Variants in CDADC1 observed in about 807,000 individuals in gnomAD.
The protein encoded by CDADC1 is dCTP deaminase.
In CDADC1, 39 loss-of-function variants were observed where a neutral mutation model predicts 54.9. The ratio of observed to expected loss-of-function variants is 0.71; its 90% CI spans 0.55 to 0.93. CDADC1 has a LOEUF of 0.93. CDADC1 is among the 40% of genes least tolerant of loss of function. CDADC1 has a pLI of 0.00. For synonymous variants in CDADC1, 186 were observed against 204.0 expected, an observed-to-expected ratio of 0.91 and a Z score of 0.75; for missense variants, 518 against 618.8, an observed-to-expected ratio of 0.84 and a Z score of 1.73.
chr13:49,278,291 C>G lies in CDADC1; in HGVS notation c.1051-59C>G. The G allele has an allele frequency of 2.4e-6, 3 of 1,268,276 alleles. No individual in the cohort carries two copies. In the Admixed American group the frequency reaches 7.2e-5, roughly 30 times the overall value. 78.6% of individuals were successfully genotyped at this position (1,268,276 alleles called of 1,614,324 possible). On this transcript the variant is annotated intron_variant, in intron 6 of 9. Transcript: ENST00000251108. ...AGTATGATAGCAAGCTTCAAAAATA[C>G]ATTGCAAAGTGTCTTTTCAGAATGT...
chr13:49,273,978 T>A (rs1481547219), intron 5 of CDADC1, among the ~76,000 whole-genome samples: 1 of 152,168 alleles, frequency 6.6e-6, no homozygotes, highest in Non-Finnish European at 1.5e-5. Flanking sequence ...TAATGGAGAA[T>A]CAATGAAGTT....
Position 49,292,723 on chromosome 13 carries a change from G to A in CDADC1, c.*966G>A. On this transcript the variant is annotated 3_prime_UTR_variant, in exon 10 of 10. Coordinates refer to ENST00000251108, the MANE Select transcript of CDADC1 (RefSeq NM_030911.4). ...GATTTCTCACATTTTTATTTGCTGA[G>A]AAACATTCAGAAAATTATTCCAAAA... 1 of 1,269,080 alleles carries A rather than the reference G, an allele frequency of 7.9e-7. No homozygotes were observed. Among genetic ancestry groups the A allele is most frequent in the Non-Finnish European group, 1.0e-6 (1 of 980,414 alleles). The allele number at this position is 1,269,080 out of a possible 1,614,324, so 78.6% of individuals were successfully genotyped here. A position where few individuals can be genotyped will look rare whatever the true frequency, so the allele number is the denominator to read the frequency against.
chr13:49,275,510 A>G (rs938859876), intron 6 of CDADC1, among the ~76,000 whole-genome samples: 2 of 151,126 alleles, frequency 1.3e-5, no homozygotes, highest in African/African-American at 4.9e-5. Context: ...GAGAGAGAAT[A>G]TGGGAAAACG....
At chr13:49,289,967 G>T (rs957556617) in intron 9 of CDADC1, among the ~76,000 whole-genome samples, 5 of 152,100 alleles carry the variant, frequency 3.3e-5, no homozygotes, top group Non-Finnish European at 7.4e-5. Context: ...GATCACCTGA[G>T]CCCAGGAGGT....
At chr13:49,274,499 T>C (rs957612934) in intron 6 of CDADC1, among the ~76,000 whole-genome samples, 159 bp downstream of exon 6, 1 of 140,688 alleles carries the variant, frequency 7.1e-6, no homozygotes, top group African/African-American at 2.6e-5. Context: ...CCATCTCTAC[T>C]AAAAAAAAAA....
intron 6 of CDADC1, among the ~76,000 whole-genome samples, chr13:49,276,963 C>T (rs111941909): frequency 6.6e-6 from 1 of 152,234 alleles, no homozygotes; most frequent in Non-Finnish European, 1.5e-5. Context: ...CTAGTTATCT[C>T]TAGAGTAGGC....
At chr13:49,249,082 A>G in intron 2 of CDADC1, 117 bp downstream of exon 2, 1 of 662,294 alleles carries the variant, frequency 1.5e-6, no homozygotes, top group Non-Finnish European at 2.7e-6. Context: ...GATTTAAAAA[A>G]TATCTTTATT....
At position 49,248,982 on chromosome 13, in the gene CDADC1, A is replaced by G. The variant is rs1952360144; in HGVS notation, c.177+17A>G. Reference sequence around the variant, plus strand: ...AAATCTCAGGTATAATTTGTTTCATAGTTTTTCCCCTTAGAAAAGCAGTGG... The same window carrying G: ...AAATCTCAGGTATAATTTGTTTCATGGTTTTTCCCCTTAGAAAAGCAGTGG... On this transcript the variant is annotated intron_variant, in intron 2 of 9. Coordinates refer to ENST00000251108, the MANE Select transcript of CDADC1 (RefSeq NM_030911.4). The G allele has an allele frequency of 2.6e-6, 4 of 1,521,410 alleles. No individual in the cohort carries two copies. Among genetic ancestry groups the G allele is most frequent in the African/African-American group, 2.7e-5 (2 of 73,066 alleles). 94.2% of individuals were successfully genotyped at this position (1,521,410 alleles called of 1,614,324 possible). A position where few individuals can be genotyped will look rare whatever the true frequency, so the allele number is the denominator to read the frequency against.
Position 49,292,930 on chromosome 13 carries a change from A to C in CDADC1, c.*1173A>C, listed in dbSNP as rs1187897068. 1 of 473,772 alleles carries C rather than the reference A, an allele frequency of 2.1e-6. No individual in the cohort carries two copies. Among genetic ancestry groups the C allele is most frequent in the African/African-American group, 2.0e-5 (1 of 48,824 alleles). 29.3% of individuals were successfully genotyped at this position (473,772 alleles called of 1,614,324 possible). A position where few individuals can be genotyped will look rare whatever the true frequency, so the allele number is the denominator to read the frequency against. On this transcript the variant is annotated 3_prime_UTR_variant, in exon 10 of 10. Transcript: ENST00000251108. The stretch of plus-strand genomic sequence containing the variant: ...GTTTCTCAGAATTACACGCACGACC[A>C]TCCAAACATTGGCTCCATGCCAGGG...
rs1331199830 is a variant in CDADC1 at position 49,267,737 on chromosome 13, C to A, written c.678C>A (p.Asp226Glu). 49 of 1,610,796 alleles carry A rather than the reference C, an allele frequency of 3.0e-5. No individual in the cohort carries two copies. Among genetic ancestry groups the A allele is most frequent in the Non-Finnish European group, 4.1e-5 (48 of 1,178,862 alleles). The change falls in exon 5 of 10, where the codon GAC (aspartate) becomes GAA (glutamate). Residue 226 changes from aspartate to glutamate, a missense_variant. Physicochemically the swap from Asp to Glu is conservative, Grantham distance 45. Coordinates refer to ENST00000251108, the MANE Select transcript of CDADC1 (RefSeq NM_030911.4). ...ITKTLPDANT[D>E]FYYECKQERI... ...AAACATTGCCGGATGCTAACACTGA[C>A]TTTTATTATGAATGTAAACAAGAAA...
intron 6 of CDADC1, among the ~76,000 whole-genome samples, chr13:49,277,277 C>A (rs1022683695): frequency 3.3e-5 from 5 of 151,638 alleles, no homozygotes; most frequent in Admixed American, 2.0e-4. Context: ...CCAAGACAAT[C>A]CTGGGCATCA....
In CDADC1 at chr13:49,272,140, A is replaced by G. The variant is rs560150379; in HGVS notation, c.1001-2151A>G. Among the ~76,000 whole-genome samples, 3 of 152,370 alleles carry G rather than the reference A, an allele frequency of 2.0e-5. No homozygotes were observed. In the East Asian group the frequency reaches 5.8e-4, roughly 29 times the overall value. On this transcript the variant is annotated intron_variant, in intron 5 of 9. Transcript: ENST00000251108. ...GTGGCTTCTGTGACTAAGAAACATAACATTAAAAATATGCAGTGTTGATGG... is the reference window on the plus strand; with the variant it reads ...GTGGCTTCTGTGACTAAGAAACATAGCATTAAAAATATGCAGTGTTGATGG...
intron 2 of CDADC1, among the ~76,000 whole-genome samples, chr13:49,252,036 C>T (rs906900243): frequency 6.6e-6 from 1 of 152,190 alleles, no homozygotes; most frequent in Non-Finnish European, 1.5e-5. Context: ...AAAGTTATAA[C>T]ACATAGAAAT....
At position 49,260,601 on chromosome 13, in the gene CDADC1, G is replaced by T. The variant is rs1952657935; in HGVS notation, c.430+1078G>T. ...GAGGAACACAAATTTTTAATGTATA[G>T]CCATCCGTCCACACCAGGCTATTCA... On this transcript the variant is annotated intron_variant, in intron 4 of 9. Transcript: ENST00000251108. Among the ~76,000 whole-genome samples the T allele has an allele frequency of 3.9e-5, 6 of 152,140 alleles. No individual in the cohort carries two copies. In the South Asian group the frequency reaches 1.0e-3, roughly 26 times the overall value.
intron 5 of CDADC1, among the ~76,000 whole-genome samples, chr13:49,271,454 G>A (rs1952962658): frequency 6.6e-6 from 1 of 152,098 alleles, no homozygotes. Context: ...AATCAAGAAA[G>A]TTAACTTTTA....
rs74918541 is a variant in CDADC1, at chr13:49,255,277, C to A, written c.178-562C>A. On this transcript the variant is annotated intron_variant, in intron 2 of 9. Transcript: ENST00000251108. ...AATGACCCTTGTGATAACATCGGGCCAATCAGATAATCAAGGATAATCTCC... is the reference window on the plus strand; with the variant it reads ...AATGACCCTTGTGATAACATCGGGCAAATCAGATAATCAAGGATAATCTCC... 2.9e-3 allele frequency among the ~76,000 whole-genome samples: 440 copies of A among 152,274 alleles called. 1 individual carries two copies. Among genetic ancestry groups the A allele is most frequent in the Admixed American group, 5.0e-3 (76 of 15,300 alleles).
intron 2 of CDADC1, among the ~76,000 whole-genome samples, chr13:49,253,389 A>G (rs888261439): frequency 6.6e-6 from 1 of 152,222 alleles, no homozygotes; most frequent in Non-Finnish European, 1.5e-5. Flanking sequence ...TTCACTTAAC[A>G]TAAGAAAATA....
At chr13:49,281,577 G>A (rs1428264347) in intron 8 of CDADC1, among the ~76,000 whole-genome samples, 3 of 152,150 alleles carry the variant, frequency 2.0e-5, no homozygotes, top group African/African-American at 7.2e-5. Flanking sequence ...GACAGGAGGT[G>A]GAGCTCAGGC....
At position 49,250,589 on chromosome 13, in the gene CDADC1, G is replaced by T. The variant is rs559309784; in HGVS notation, c.177+1624G>T. ...CAATGAGAGAATTTGTGGTCCTCAG[G>T]CCAGAAAGTGAAGTTAGGTAGAGGG... On this transcript the variant is annotated intron_variant, in intron 2 of 9. Coordinates refer to ENST00000251108, the MANE Select transcript of CDADC1 (RefSeq NM_030911.4). Among the ~76,000 whole-genome samples the T allele has an allele frequency of 1.7e-4, 26 of 152,280 alleles. No individual in the cohort carries two copies. The South Asian group carries it at 5.4e-3, about 32-fold the overall frequency.
Sources: gnomAD v4.1 joint callset for allele counts (sites outside exome capture counted in the v4.1 genomes callset) on GRCh38, gnomAD v4.1.1 for gene constraint, MANE v1.5 for transcripts, NCBI Gene and HGNC (gene_info 2026-07-23, HGNC 2026-07-21) for gene names.